Variants in MYH10 observed in about 807,000 individuals in gnomAD.
MYH10 encodes myosin-10.
A neutral mutation model predicts 257.8 loss-of-function variants in MYH10; 55 were observed. The ratio of observed to expected loss-of-function variants is 0.21; its 90% confidence interval spans 0.17 to 0.27. The LOEUF (loss-of-function observed/expected upper bound fraction) is 0.27. Ranked by LOEUF, MYH10 falls within the 10% of genes least tolerant of loss-of-function variation. The probability of loss-of-function intolerance (pLI) is 1.00; values close to 1 mark genes in which losing one functional copy is unlikely to be tolerated. For missense variants in MYH10, 1,631 were observed against 2,500.6 expected, an observed-to-expected ratio of 0.65 and a Z score of 7.42; for synonymous variants, 854 against 921.7, an observed-to-expected ratio of 0.93 and a Z score of 1.33.
intron 3 of MYH10, among the ~76,000 whole-genome samples, 181 bp from the exon 4 acceptor site, chr17:8,589,289 T>G (rs1000403009): frequency 9.0e-6 from 1 of 111,090 alleles, no homozygotes; most frequent in African/African-American, 3.6e-5. Flanking sequence ...CCCTCATATC[T>G]CCTATTATTA....
chr17:8,606,372 G>C (rs2084807605), intron 2 of MYH10, among the ~76,000 whole-genome samples: 1 of 152,174 alleles, frequency 6.6e-6, no homozygotes, highest in Admixed American at 6.5e-5. Context: ...ATCTGGAAGG[G>C]CACTCAGTTG....
intron 9 of MYH10, among the ~76,000 whole-genome samples, chr17:8,550,496 C>T (rs2082600005): frequency 1.3e-5 from 2 of 151,900 alleles, no homozygotes; most frequent in South Asian, 2.1e-4. Flanking sequence ...GCCCGGCAGC[C>T]ACCCCGTCCG....
chr17:8,545,933 G>A lies in MYH10; in HGVS notation c.1279-333C>T, dbSNP rs150497057. ...GTACCACCCAGCACAAGGACAAGGC[G>A]GCAGGGGCCCTTGTGTTGGTCTGGT... On this transcript the variant is annotated intron_variant, in intron 12 of 42. Transcript: ENST00000360416. The surrounding 1 kb of genome is among the most constrained non-coding windows in gnomAD (Gnocchi z 4.7). Among the ~76,000 whole-genome samples the A allele has an allele frequency of 2.7e-4, 41 of 152,234 alleles. No individual in the cohort carries two copies. The highest frequency in any genetic ancestry group is 3.7e-4 in the Non-Finnish European group (25 of 68,006).
Position 8,480,410 on chromosome 17 carries a change from T to C in MYH10, c.5380A>G (p.Thr1794Ala). ...ELLNDRFRKT[T>A]LQVDTLNAEL... is the part of the protein sequence containing the mutation. ...GCTCCTGCATGGGCCACCTGTAGAG[T>C]GGTCTTGCGGAAGCGGTCGTTGAGC... The change falls in exon 39 of 43, where the codon ACT becomes GCT. Residue 1794 changes from threonine to alanine, a missense_variant. Around this residue, in one of 11 missense-constraint regions of MYH10, gnomAD observed 343 missense variants for 389.5 expected, o/e 0.88. Transcript: ENST00000360416. 6.2e-7 allele frequency: 1 copy of C among 1,613,318 alleles called. No individual in the cohort carries two copies. The highest frequency in any genetic ancestry group is 2.2e-5 in the East Asian group (1 of 44,868).
intron 3 of MYH10, among the ~76,000 whole-genome samples, chr17:8,601,504 C>T (rs558132760): frequency 1.7e-4 from 26 of 152,276 alleles, no homozygotes; most frequent in Middle Eastern, 6.8e-3. Context: ...TTCAGGTGAC[C>T]TTTTTCAAAA....
intron 13 of MYH10, among the ~76,000 whole-genome samples, chr17:8,543,685 GC>G: frequency 6.6e-6 from 1 of 152,174 alleles, no homozygotes; most frequent in South Asian, 2.1e-4. Context: ...TCTTGGACAG[GC>G]TGGTCTTGAA....
chr17:8,482,665 T>G (rs1313049074), intron 37 of MYH10, among the ~76,000 whole-genome samples: 1 of 152,096 alleles, frequency 6.6e-6, no homozygotes, highest in African/African-American at 2.4e-5. Context: ...GAAGGAAAAG[T>G]GTCAGAAATA....
intron 17 of MYH10, among the ~76,000 whole-genome samples, chr17:8,530,365 AAAT>A (rs1267872439): frequency 1.3e-5 from 2 of 152,214 alleles, no homozygotes; most frequent in Non-Finnish European, 2.9e-5. Context: ...GCTATGCATA[AAAT>A]AAGAAGCAAT....
At chr17:8,531,072 G>A (rs915418119) in intron 16 of MYH10, among the ~76,000 whole-genome samples, 3 of 152,118 alleles carry the variant, frequency 2.0e-5, no homozygotes, top group Non-Finnish European at 4.4e-5. Context: ...GCACTATGGC[G>A]AATGTAAGTA....
At chr17:8,476,355 GA>G (rs1282052919) in intron 42 of MYH10, among the ~76,000 whole-genome samples, 2 of 152,236 alleles carry the variant, frequency 1.3e-5, no homozygotes, top group Non-Finnish European at 2.9e-5. Flanking sequence ...TGCTTAGTTT[GA>G]TGGCTGTATA....
At chr17:8,588,446 CCTT>C (rs1229140225) in intron 4 of MYH10, among the ~76,000 whole-genome samples, 1 of 152,154 alleles carries the variant, frequency 6.6e-6, no homozygotes, top group Non-Finnish European at 1.5e-5. Context: ...AGCAACAAAA[CCTT>C]CTCTTAGCTC....
At chr17:8,560,808 C>T (rs577461533) in intron 7 of MYH10, 4 of 591,428 alleles carry the variant, frequency 6.8e-6, no homozygotes, top group Admixed American at 3.7e-5. Flanking sequence ...CCCAGTTTTT[C>T]ACCTGTGTGG....
intron 17 of MYH10, among the ~76,000 whole-genome samples, chr17:8,529,599 T>C (rs1385720696): frequency 2.0e-5 from 3 of 152,334 alleles, no homozygotes; most frequent in Admixed American, 6.5e-5. Context: ...TTATGCTGTC[T>C]CTAGCATAAT....
chr17:8,604,940 T>A lies in MYH10; in HGVS notation c.388A>T (p.Asn130Tyr). ...ATATTCTCAGAGTAAATTGGAAGAT[T>A]CTTGTAAGGGTTTATAACTACACAG... is the stretch of plus-strand genomic sequence containing the variant. ...LFCVVINPYK[N>Y]LPIYSENIIE... The change falls in exon 3 of 43, where the codon AAT becomes TAT. Residue 130 changes from asparagine (N) to tyrosine (Y), a missense_variant. By Grantham distance (143) the Asn-to-Tyr change is moderately radical (BLOSUM62 -2). This residue lies in a region of MYH10 where 360 missense variants were observed against 581.9 expected (regional missense o/e 0.62). Transcript: ENST00000360416. 6.3e-7 allele frequency: 1 copy of A among 1,578,452 alleles called. No individual in the cohort carries two copies. Among genetic ancestry groups the A allele is most frequent in the Non-Finnish European group, 8.7e-7 (1 of 1,150,406 alleles).
chr17:8,494,909 C>T (rs1330962826), intron 31 of MYH10, among the ~76,000 whole-genome samples: 5 of 152,240 alleles, frequency 3.3e-5, no homozygotes, highest in Admixed American at 6.5e-5. Context: ...GAGCTGTCTC[C>T]GAGGCCACCC....
chr17:8,531,281 C>T (rs1446131105), intron 16 of MYH10, among the ~76,000 whole-genome samples: 1 of 151,954 alleles, frequency 6.6e-6, no homozygotes, highest in African/African-American at 2.4e-5. Flanking sequence ...CGAGATTATA[C>T]TTATTGATCA....
Position 8,556,205 on chromosome 17 carries a change from C to G in MYH10, c.757-2187G>C, listed in dbSNP as rs142532818. Among the ~76,000 whole-genome samples the G allele has an allele frequency of 5.3e-3, 806 of 152,316 alleles. 6 individuals carry two copies. The highest frequency in any genetic ancestry group is 0.018 in the African/African-American group (747 of 41,552). ...AAGGCAAAACGGTACAGCCAGTTTG[C>G]CAGTTTCTCACGGCGTCAAACACAG... On this transcript the variant is annotated intron_variant, in intron 7 of 42. Coordinates refer to ENST00000360416, the MANE Select transcript of MYH10 (RefSeq NM_001256012.3).
chr17:8,500,814 G>A lies in MYH10; in HGVS notation c.3744+12C>T, dbSNP rs370940887. On this transcript the variant is annotated intron_variant, in intron 29 of 42. Transcript: ENST00000360416. ...TTCTCCAGGCCACAGCACACGGCAG[G>A]GCCTCCCTTACCCGCTTGGCCTGTT... 18 of 1,610,558 alleles carry A rather than the reference G, an allele frequency of 1.1e-5. No homozygotes were observed. The highest frequency in any genetic ancestry group is 1.5e-5 in the Non-Finnish European group (18 of 1,179,440).
intron 17 of MYH10, among the ~76,000 whole-genome samples, chr17:8,525,313 G>A (rs2081806026): frequency 6.6e-6 from 1 of 152,158 alleles, no homozygotes; most frequent in African/African-American, 2.4e-5. Context: ...CTTCCACACT[G>A]TTTCTGTGCT....
Sources: gnomAD v4.1 joint callset for allele counts (sites outside exome capture counted in the v4.1 genomes callset) on GRCh38, gnomAD v4.1.1 for gene constraint, gnomAD v4.1.1 regional missense constraint, Gnocchi (gnomAD v3.1) non-coding constraint, MANE v1.5 for transcripts, NCBI Gene and HGNC (gene_info 2026-07-23, HGNC 2026-07-21) for gene names.